The following PARD3B variants were observed in gnomAD, a reference collection of about 807,000 sequenced individuals.
The protein encoded by PARD3B is par-3 family cell polarity regulator beta.
In PARD3B, 103 loss-of-function variants were observed where a neutral mutation model predicts 130.2. The ratio of observed to expected loss-of-function variants is 0.79; its 90% CI spans 0.67 to 0.93. The LOEUF (loss-of-function observed/expected upper bound fraction) is 0.93. Among genes scored for constraint, PARD3B ranks in the 40% least tolerant of loss-of-function variants. The pLI is 0.00. For synonymous variants in PARD3B, 583 were observed against 553.2 expected (o/e 1.05, Z -0.76); for missense variants, 1,609 against 1,499.2 (o/e 1.07, Z -1.21).
At chr2:205,262,298 A>G (rs2040344166) in intron 16 of PARD3B, among the ~76,000 whole-genome samples, 1 of 152,124 alleles carries the variant, frequency 6.6e-6, no homozygotes, top group Non-Finnish European at 1.5e-5. Flanking sequence ...CTTTAGTAAA[A>G]CAGATGATGT....
At chr2:205,432,076 G>T (rs1185069173) in intron 19 of PARD3B, among the ~76,000 whole-genome samples, 1 of 152,136 alleles carries the variant, frequency 6.6e-6, no homozygotes, top group Non-Finnish European at 1.5e-5. Flanking sequence ...GCTCTTGTGT[G>T]TTGCAAACTT....
chr2:205,339,926 A>G (rs1041690831), intron 18 of PARD3B, among the ~76,000 whole-genome samples: 6 of 147,490 alleles, frequency 4.1e-5, no homozygotes, highest in Non-Finnish European at 9.0e-5. Flanking sequence ...GGCAGAAGTA[A>G]AGCAATTAAT....
At chr2:205,452,347 T>C (rs2048129843) in intron 20 of PARD3B, among the ~76,000 whole-genome samples, 1 of 152,248 alleles carries the variant, frequency 6.6e-6, no homozygotes, top group African/African-American at 2.4e-5. Flanking sequence ...CTCTGACTCA[T>C]GACTTCGTGT....
chr2:205,497,143 T>A (rs2049957514), intron 20 of PARD3B, among the ~76,000 whole-genome samples: 1 of 151,804 alleles, frequency 6.6e-6, no homozygotes, highest in Non-Finnish European at 1.5e-5. Context: ...AAGAAAACTT[T>A]TTTTAAGTAT....
chr2:205,075,804 C>T (rs1054793263), intron 4 of PARD3B, among the ~76,000 whole-genome samples: 1 of 151,618 alleles, frequency 6.6e-6, no homozygotes, highest in East Asian at 1.9e-4. Context: ...TTCATAAACA[C>T]ATACTTTTGC....
chr2:204,848,064 C>T (rs918273045), intron 2 of PARD3B, among the ~76,000 whole-genome samples: 3 of 152,154 alleles, frequency 2.0e-5, no homozygotes, highest in Non-Finnish European at 4.4e-5. Context: ...TTTGAGACCA[C>T]ATTCACATAA....
chr2:204,706,366 C>CA (rs796492468), intron 2 of PARD3B, among the ~76,000 whole-genome samples: 3,864 of 87,058 alleles, frequency 0.044, 65 homozygotes, highest in East Asian at 0.061. Flanking sequence ...GACTCTGTCT[C>CA]AAAAAAAAAA....
At chr2:205,603,725 T>A (rs1350101817) in intron 22 of PARD3B, among the ~76,000 whole-genome samples, 2 of 145,222 alleles carry the variant, frequency 1.4e-5, no homozygotes, top group African/African-American at 5.7e-5. Flanking sequence ...CATCCCTTTA[T>A]TTTGAGCCTG....
chr2:204,824,709 C>T (rs1350758489), intron 2 of PARD3B, among the ~76,000 whole-genome samples: 1 of 152,144 alleles, frequency 6.6e-6, no homozygotes, highest in East Asian at 1.9e-4. Flanking sequence ...TCCTAGTCCT[C>T]CCAGTTCTAA....
chr2:204,594,217 G>T (rs1446293636), intron 1 of PARD3B, among the ~76,000 whole-genome samples: 1 of 152,172 alleles, frequency 6.6e-6, no homozygotes, highest in Non-Finnish European at 1.5e-5. Flanking sequence ...AAAGGGCATT[G>T]TGTTGCCCTT....
At chr2:205,299,839 C>A (rs1484251185) in intron 16 of PARD3B, among the ~76,000 whole-genome samples, 1 of 152,162 alleles carries the variant, frequency 6.6e-6, no homozygotes, top group African/African-American at 2.4e-5. Flanking sequence ...GGAATACATT[C>A]AGAACTATAG....
intron 2 of PARD3B, among the ~76,000 whole-genome samples, chr2:204,709,128 A>G (rs1463504272): frequency 6.6e-6 from 1 of 152,182 alleles, no homozygotes; most frequent in Non-Finnish European, 1.5e-5. Flanking sequence ...TTATTCCTAG[A>G]TTATCTTACC....
In PARD3B at chr2:204,965,437, T is replaced by G. The variant is rs1264476034; in HGVS notation, c.394+114T>G. 2.7e-6 allele frequency: 3 copies of G among 1,125,312 alleles called. No homozygotes were observed. In the South Asian group the frequency reaches 4.8e-5, roughly 18 times the overall value. 69.7% of individuals were successfully genotyped at this position (1,125,312 alleles called of 1,614,324 possible). On this transcript the variant is annotated intron_variant, in intron 3 of 22. Coordinates refer to ENST00000406610, the MANE Select transcript of PARD3B (RefSeq NM_001302769.2). ...TCCTGTTAATATTTTATATCGTGGT[T>G]TATCTTTTCTTTAAATTATTTTTTT...
chr2:205,419,347 C>T (rs566565036), intron 19 of PARD3B, among the ~76,000 whole-genome samples: 2 of 152,182 alleles, frequency 1.3e-5, no homozygotes, highest in African/African-American at 4.8e-5. Context: ...TGATGTGAGG[C>T]CCCCACTAGC....
At chr2:205,469,642 G>A (rs1049281014) in intron 20 of PARD3B, among the ~76,000 whole-genome samples, 1 of 152,124 alleles carries the variant, frequency 6.6e-6, no homozygotes, top group Non-Finnish European at 1.5e-5. Context: ...GGCTCTACTT[G>A]GCAATTACCT....
chr2:204,728,094 ACCT>A (rs1360337929), intron 2 of PARD3B, among the ~76,000 whole-genome samples: 5 of 152,070 alleles, frequency 3.3e-5, no homozygotes, highest in Admixed American at 6.6e-5. Flanking sequence ...AAATTGTCCT[ACCT>A]CACTTTCACT....
chr2:205,510,197 A>C lies in PARD3B; in HGVS notation c.3180+10166A>C, dbSNP rs189260570. ...AATAGTACTGTCTCCTTGAAGTACT[A>C]TGACACACACATGATTACATGTAAA... On this transcript the variant is annotated intron_variant, in intron 21 of 22. Coordinates refer to ENST00000406610, the MANE Select transcript of PARD3B (RefSeq NM_001302769.2). 1.1e-4 allele frequency among the ~76,000 whole-genome samples: 17 copies of C among 152,336 alleles called. No individual in the cohort carries two copies. In the East Asian group the frequency reaches 2.9e-3, roughly 26 times the overall value.
At chr2:204,877,332 C>T (rs1434976177) in intron 2 of PARD3B, among the ~76,000 whole-genome samples, 1 of 151,990 alleles carries the variant, frequency 6.6e-6, no homozygotes. Flanking sequence ...ACCAACATGG[C>T]ACATGTATAC....
chr2:205,072,440 G>A lies in PARD3B; in HGVS notation c.504+24750G>A, dbSNP rs548307693. Among the ~76,000 whole-genome samples, 45 of 151,982 alleles carry A rather than the reference G, an allele frequency of 3.0e-4. 1 individual carries two copies. In the South Asian group the frequency reaches 8.3e-3, roughly 28 times the overall value. On this transcript the variant is annotated intron_variant, in intron 4 of 22. Coordinates refer to ENST00000406610, the MANE Select transcript of PARD3B (RefSeq NM_001302769.2). ...TAATTTTTACATTTTTGGTAGAGAC[G>A]GGGTTTCACCACGTTGGCCAGGCTA...
Sources: gnomAD v4.1 joint callset for allele counts (sites outside exome capture counted in the v4.1 genomes callset) on GRCh38, gnomAD v4.1.1 for gene constraint, MANE v1.5 for transcripts, NCBI Gene and HGNC (gene_info 2026-07-23, HGNC 2026-07-21) for gene names.